The following MVB12B variants were observed in gnomAD, a reference collection of about 807,000 sequenced individuals.
MVB12B encodes multivesicular body subunit 12B, also known as ESCRT-I complex subunit MVB12B.
A neutral mutation model predicts 41.6 loss-of-function variants in MVB12B; 16 were observed. The observed-to-expected ratio is 0.38, with a 90% CI of 0.26 to 0.58. The LOEUF is 0.58. Ranked by LOEUF, MVB12B falls within the 20% of genes least tolerant of loss-of-function variation. MVB12B has a pLI of 0.62. For synonymous variants in MVB12B, 133 were observed against 139.7 expected (o/e 0.95, Z 0.34); for missense variants, 274 against 380.2 (o/e 0.72, Z 2.32).
intron 7 of MVB12B, among the ~76,000 whole-genome samples, chr9:126,461,268 CG>C (rs1279216531): frequency 2.0e-5 from 3 of 152,230 alleles, no homozygotes; most frequent in Non-Finnish European, 4.4e-5. Context: ...GTGGCTTCTA[CG>C]GGGATTGCTC....
intron 2 of MVB12B, among the ~76,000 whole-genome samples, chr9:126,358,386 G>T (rs972738891): frequency 3.3e-5 from 5 of 151,164 alleles, no homozygotes; most frequent in African/African-American, 1.2e-4. Flanking sequence ...TATTAAATGT[G>T]TGGGTCAATT....
At position 126,495,257 on chromosome 9, in the gene MVB12B, G is replaced by A. The variant is rs528804852; in HGVS notation, c.874-7920G>A. Among the ~76,000 whole-genome samples the A allele has an allele frequency of 2.0e-5, 3 of 151,908 alleles. No homozygotes were observed. The East Asian group carries it at 5.8e-4, about 29-fold the overall frequency. Reference sequence around the variant, plus strand: ...GGAAATAGCATTTATTCAGTGGCCAGGGCATCTGACGGTGCACAGCCCTGC... The same window carrying A: ...GGAAATAGCATTTATTCAGTGGCCAAGGCATCTGACGGTGCACAGCCCTGC... On this transcript the variant is annotated intron_variant, in intron 9 of 9. Coordinates refer to ENST00000361171, the MANE Select transcript of MVB12B (RefSeq NM_033446.3).
Position 126,412,179 on chromosome 9 carries a change from C to T in MVB12B, c.663-9675C>T, listed in dbSNP as rs939326470. Among the ~76,000 whole-genome samples the T allele has an allele frequency of 3.9e-5, 6 of 152,172 alleles. No homozygotes were observed. The East Asian group carries it at 9.6e-4, about 24-fold the overall frequency. On this transcript the variant is annotated intron_variant, in intron 6 of 9. Coordinates refer to ENST00000361171, the MANE Select transcript of MVB12B (RefSeq NM_033446.3). Reference sequence around the variant, plus strand: ...GCAGCAAAGGTCCCCTTCTCTGTGACTCCCGCACCCTGCTTGTGCCAGGTG... The same window carrying T: ...GCAGCAAAGGTCCCCTTCTCTGTGATTCCCGCACCCTGCTTGTGCCAGGTG...
At chr9:126,475,968 C>T (rs1434165828) in intron 7 of MVB12B, among the ~76,000 whole-genome samples, 1 of 135,748 alleles carries the variant, frequency 7.4e-6, no homozygotes, top group Non-Finnish European at 1.7e-5. Flanking sequence ...AGGCTCCCGT[C>T]TCTGTCACTT....
chr9:126,359,811 TAG>T (rs1829980947), intron 2 of MVB12B, among the ~76,000 whole-genome samples: 1 of 152,172 alleles, frequency 6.6e-6, no homozygotes, highest in Admixed American at 6.5e-5. Flanking sequence ...CTGGATCAAA[TAG>T]TAGTTCTTTT....
At chr9:126,485,690 C>T (rs180816174) in intron 9 of MVB12B, among the ~76,000 whole-genome samples, 161 of 151,066 alleles carry the variant, frequency 1.1e-3, no homozygotes, top group African/African-American at 3.6e-3. Context: ...GGTCAGGGTA[C>T]CTTCCACTGT....
intron 2 of MVB12B, among the ~76,000 whole-genome samples, chr9:126,377,259 TGTGTGA>T (rs1173022038): frequency 6.6e-6 from 1 of 152,170 alleles, no homozygotes; most frequent in Non-Finnish European, 1.5e-5. Flanking sequence ...GTTGTGAGAA[TGTGTGA>T]GTGTGAGTGT....
rs1165121531 is a variant in MVB12B, at chr9:126,376,267, T to C, written c.205-4797T>C. Among the ~76,000 whole-genome samples, 6 of 152,246 alleles carry C rather than the reference T, an allele frequency of 3.9e-5. No homozygotes were observed. The highest frequency in any genetic ancestry group is 3.9e-4 in the Admixed American group (6 of 15,286). On this transcript the variant is annotated intron_variant, in intron 2 of 9. Transcript: ENST00000361171. This position sits in a 1 kb window ranked among gnomAD's most constrained non-coding sequence, Gnocchi z 4.1. The stretch of plus-strand genomic sequence containing the variant: ...CTGTTCTTGTTTGGTATTTGCAGTC[T>C]ATTCACTCATCCCTCTGAGGATTTA...
intron 9 of MVB12B, among the ~76,000 whole-genome samples, chr9:126,489,027 C>A (rs116913934): frequency 6.6e-6 from 1 of 152,214 alleles, no homozygotes; most frequent in Admixed American, 6.5e-5. Context: ...AGCTGCCCAG[C>A]ACTGATTGAC....
rs551289385 is a variant in MVB12B, at chr9:126,473,413, A to G, written c.758-7956A>G. Among the ~76,000 whole-genome samples the G allele has an allele frequency of 6.6e-5, 10 of 152,364 alleles. No homozygotes were observed. Among genetic ancestry groups the G allele is most frequent in the East Asian group, 5.8e-4 (3 of 5,190 alleles). ...TGTATTAGTTCATTCTTGCGTTACT[A>G]TAAAGAAATACCTGAGACTGGGTAA... On this transcript the variant is annotated intron_variant, in intron 7 of 9. Transcript: ENST00000361171. The surrounding 1 kb of genome is among the most constrained non-coding windows in gnomAD (Gnocchi z 4.0).
At chr9:126,487,072 C>T (rs1454710363) in intron 9 of MVB12B, among the ~76,000 whole-genome samples, 1 of 152,208 alleles carries the variant, frequency 6.6e-6, no homozygotes, top group Non-Finnish European at 1.5e-5. Flanking sequence ...GTGTGGCCAC[C>T]CCCAGGAGGT....
intron 7 of MVB12B, among the ~76,000 whole-genome samples, chr9:126,446,804 CTCTT>C (rs1388924850): frequency 1.3e-5 from 2 of 151,536 alleles, no homozygotes; most frequent in African/African-American, 4.8e-5. Flanking sequence ...ATTTTTCTCT[CTCTT>C]TTTCTTGGTT....
At chr9:126,397,284 AG>A in intron 6 of MVB12B, 1 of 985,488 alleles carries the variant, frequency 1.0e-6, no homozygotes, top group Non-Finnish European at 1.2e-6. Flanking sequence ...TCTCAGATAA[AG>A]CAGAGAGAGC....
At chr9:126,475,049 C>G (rs535304088) in intron 7 of MVB12B, among the ~76,000 whole-genome samples, 1 of 152,344 alleles carries the variant, frequency 6.6e-6, no homozygotes, top group South Asian at 2.1e-4. Flanking sequence ...CAGCCGCCTT[C>G]TTTCCTGTCT....
At chr9:126,390,262 T>C (rs895979905) in intron 4 of MVB12B, among the ~76,000 whole-genome samples, 7 of 152,258 alleles carry the variant, frequency 4.6e-5, no homozygotes, top group African/African-American at 9.6e-5. Flanking sequence ...CTGGGCTAAG[T>C]GGATCATATG....
rs12376389 is a variant in MVB12B, at chr9:126,468,269, C to T, written c.758-13100C>T. Among the ~76,000 whole-genome samples the T allele has an allele frequency of 4.5e-3, 680 of 152,278 alleles. 5 individuals are homozygous for T. The highest frequency in any genetic ancestry group is 0.017 in the Middle Eastern group (5 of 294). ...AACTCACCCTCACATCCCCGCCCGCCAGGCCTCATTTCTGGATCTCCACCC... is the reference window on the plus strand; with the variant it reads ...AACTCACCCTCACATCCCCGCCCGCTAGGCCTCATTTCTGGATCTCCACCC... On this transcript the variant is annotated intron_variant, in intron 7 of 9. Coordinates refer to ENST00000361171, the MANE Select transcript of MVB12B (RefSeq NM_033446.3). This position sits in a 1 kb window ranked among gnomAD's most constrained non-coding sequence, Gnocchi z 4.3.
chr9:126,460,207 T>A (rs1479545722), intron 7 of MVB12B, among the ~76,000 whole-genome samples: 1 of 152,122 alleles, frequency 6.6e-6, no homozygotes, highest in Non-Finnish European at 1.5e-5. Context: ...CAAGGCTCCG[T>A]CACCATGCAG....
rs915196730 is a variant in MVB12B at position 126,473,647 on chromosome 9, C to T, written c.758-7722C>T. ...GAAGGTGCCACACGCCTTTAAACAA[C>T]CAGATCTCGCGAGGACTCACTCGCT... On this transcript the variant is annotated intron_variant, in intron 7 of 9. Transcript: ENST00000361171. This position sits in a 1 kb window ranked among gnomAD's most constrained non-coding sequence, Gnocchi z 4.0. Among the ~76,000 whole-genome samples the T allele has an allele frequency of 6.6e-6, 1 of 152,190 alleles. No homozygotes were observed. Among genetic ancestry groups the T allele is most frequent in the Non-Finnish European group, 1.5e-5 (1 of 68,034 alleles).
At chr9:126,490,985 A>G (rs10987302) in intron 9 of MVB12B, among the ~76,000 whole-genome samples, 22,203 of 152,262 alleles carry the variant, frequency 0.15, 2,151 homozygotes, top group East Asian at 0.5. Flanking sequence ...CGTCTTGATT[A>G]TAATTGCTCT....
Sources: gnomAD v4.1 joint callset for allele counts (sites outside exome capture counted in the v4.1 genomes callset) on GRCh38, gnomAD v4.1.1 for gene constraint, Gnocchi (gnomAD v3.1) non-coding constraint, MANE v1.5 for transcripts, NCBI Gene and HGNC (gene_info 2026-07-23, HGNC 2026-07-21) for gene names.